The following RABEP2 variants were observed in gnomAD, a reference collection of about 807,000 sequenced individuals.
The protein encoded by RABEP2 is rab GTPase-binding effector protein 2.
RABEP2 carries 57 observed loss-of-function variants against 74.1 expected under a neutral mutation model. That is an observed-to-expected ratio of 0.77 (90% CI 0.62 to 0.96). The LOEUF is 0.96. RABEP2 is among the 40% of genes least tolerant of loss of function. The pLI, the probability that RABEP2 is intolerant of heterozygous loss-of-function variation, is 0.00. For missense variants in RABEP2, 692 were observed against 756.3 expected (o/e 0.91, Z 1.00); for synonymous variants, 351 against 344.0 (o/e 1.02, Z -0.23).
chr16:28,924,943 GC>G (rs1964514601), intron 1 of RABEP2, 159 bp downstream of exon 1: 1 of 930,588 alleles, frequency 1.1e-6, no homozygotes, highest in Non-Finnish European at 1.7e-6. Context: ...GCCGGGCCAC[GC>G]CCCCTTTTGC....
chr16:28,920,095 C>T (rs1804128365), intron 2 of RABEP2, 152 bp from the exon 3 acceptor site: 1 of 916,080 alleles, frequency 1.1e-6, no homozygotes, highest in Non-Finnish European at 1.6e-6. Context: ...TTGACCTGGG[C>T]AATCACTCAG....
intron 2 of RABEP2, among the ~76,000 whole-genome samples, chr16:28,923,373 C>T (rs920087238): frequency 5.3e-5 from 8 of 151,390 alleles, no homozygotes; most frequent in African/African-American, 1.7e-4. Flanking sequence ...ATCACACCAG[C>T]GTGCTGTGAC....
At position 28,911,634 on chromosome 16, in the gene RABEP2, T is replaced by A. The variant is rs116307409; in HGVS notation, c.895-455A>T. On this transcript the variant is annotated intron_variant, in intron 5 of 12. Coordinates refer to ENST00000358201, the MANE Select transcript of RABEP2 (RefSeq NM_024816.3). ...AGCAGTGAGCAGAGGTTGCCGTGAGTGAGATTCCGTCTCAAAAAAGAGAAA... is the reference window on the plus strand; with the variant it reads ...AGCAGTGAGCAGAGGTTGCCGTGAGAGAGATTCCGTCTCAAAAAAGAGAAA... 5.2e-3 allele frequency among the ~76,000 whole-genome samples: 666 copies of A among 128,084 alleles called. 6 individuals are homozygous for A. Among genetic ancestry groups the A allele is most frequent in the African/African-American group, 0.018 (574 of 32,514 alleles). 84.0% of individuals were successfully genotyped at this position (128,084 alleles called of 152,430 possible). A position where few individuals can be genotyped will look rare whatever the true frequency, so the allele number is the denominator to read the frequency against.
intron 5 of RABEP2, among the ~76,000 whole-genome samples, chr16:28,911,546 C>T (rs1429871128): frequency 6.6e-6 from 1 of 151,702 alleles, no homozygotes; most frequent in African/African-American, 2.4e-5. Context: ...CACCTGTAAT[C>T]TCAGCTACTC....
chr16:28,923,481 T>C (rs186363741), intron 2 of RABEP2, among the ~76,000 whole-genome samples: 6 of 152,328 alleles, frequency 3.9e-5, no homozygotes, highest in African/African-American at 1.4e-4. Context: ...TGGCTTTTCT[T>C]ATATAGTAGA....
chr16:28,905,728 C>T lies in RABEP2; in HGVS notation c.1467G>A (p.Glu489=). ...ASLCSLRTEM[E]RVQQEQSKAQ... ...CCTTGCTCTGTTCCTGCTGCACCCGCTCCATCTCTGTCCTCAGGCTGCACA... is the reference window on the plus strand; with the variant it reads ...CCTTGCTCTGTTCCTGCTGCACCCGTTCCATCTCTGTCCTCAGGCTGCACA... The change falls in exon 11 of 13, where the codon GAG becomes GAA. Residue 489 remains glutamate, a synonymous_variant. Coordinates refer to ENST00000358201, the MANE Select transcript of RABEP2 (RefSeq NM_024816.3). 1 of 1,614,056 alleles carries T rather than the reference C, an allele frequency of 6.2e-7. No homozygotes were observed. The highest frequency in any genetic ancestry group is 8.5e-7 in the Non-Finnish European group (1 of 1,179,950).
chr16:28,916,966 G>A (rs1226102876), intron 3 of RABEP2, among the ~76,000 whole-genome samples: 1 of 150,278 alleles, frequency 6.7e-6, no homozygotes, highest in Non-Finnish European at 1.5e-5. Context: ...TCCAGCCTGG[G>A]GACGGAGCAA....
chr16:28,916,716 T>C (rs1408735690), intron 3 of RABEP2, among the ~76,000 whole-genome samples: 1 of 148,222 alleles, frequency 6.7e-6, no homozygotes, highest in Non-Finnish European at 1.5e-5. Context: ...CCAAGTGCAG[T>C]GGCTCACGCC....
chr16:28,922,309 G>A (rs1199066374), intron 2 of RABEP2, among the ~76,000 whole-genome samples: 3 of 152,214 alleles, frequency 2.0e-5, no homozygotes, highest in African/African-American at 4.8e-5. Context: ...CAGCTGGGCC[G>A]GGCGTGCTGG....
chr16:28,914,803 CAGCAAT>C (rs1567497960), intron 3 of RABEP2, 21 bp from the exon 4 acceptor site: 1 of 1,607,124 alleles, frequency 6.2e-7, no homozygotes, highest in African/African-American at 1.3e-5. Flanking sequence ...CGGGGTGTGG[CAGCAAT>C]AGTTCCCCCT....
At chr16:28,914,836 C>G in intron 3 of RABEP2, 54 bp from the exon 4 acceptor site, 1 of 1,523,406 alleles carries the variant, frequency 6.6e-7, no homozygotes, top group Non-Finnish European at 9.1e-7. Context: ...TGCTGAAGCC[C>G]CGGGTCTGTT....
At position 28,919,774 on chromosome 16, in the gene RABEP2, C is replaced by T. The variant is rs1421598671; in HGVS notation, c.432+12G>A. The T allele has an allele frequency of 1.9e-6, 3 of 1,596,560 alleles. No homozygotes were observed. In the South Asian group the frequency reaches 3.3e-5, roughly 18 times the overall value. ...AATCCCAGGGCAGCAGGGAAGCCAT[C>T]CCAATCCCAACCTTTTCCATCTGCT... is the stretch of plus-strand genomic sequence containing the variant. On this transcript the variant is annotated intron_variant, in intron 3 of 12. Transcript: ENST00000358201.
In RABEP2 at chr16:28,905,407, T is replaced by C; in HGVS notation, c.1598A>G (p.Gln533Arg). ...QVQRDFVRLSQALQVRLERIR... is the reference protein window; with the variant it reads ...QVQRDFVRLSRALQVRLERIR... The stretch of plus-strand genomic sequence containing the variant: ...TGGGACAGGCCATACCTGCAGGGCC[T>C]GGGACAGTCGCACGAAATCCCTCTG... Residue 533 changes from glutamine (Q) to arginine (R), a missense_variant, in exon 12 of 13, where the codon CAG (glutamine) becomes CGG (arginine). Gln to Arg is a conservative substitution (Grantham distance 43, BLOSUM62 1). Transcript: ENST00000358201. The C allele has an allele frequency of 6.2e-7, 1 of 1,605,858 alleles. No individual in the cohort carries two copies. Among genetic ancestry groups the C allele is most frequent in the East Asian group, 2.2e-5 (1 of 44,628 alleles).
Position 28,914,466 on chromosome 16 carries a change from C to T in RABEP2, c.664G>A (p.Glu222Lys), listed in dbSNP as rs1279462285. Residue 222 changes from glutamate to lysine, a missense_variant, in exon 5 of 13, where the codon GAG (glutamate) becomes AAG (lysine). Coordinates refer to ENST00000358201, the MANE Select transcript of RABEP2 (RefSeq NM_024816.3). ...TCATCGCAGTTGTGAGCGAAGGCCT[C>T]AGCGGCTGGACCCCCATCTCCGCTC... is the stretch of plus-strand genomic sequence containing the variant. The part of the protein sequence containing the change: ...ELSGDGGPAA[E>K]AFAHNCDDSA... 1.4e-5 allele frequency: 22 copies of T among 1,613,264 alleles called. No individual in the cohort carries two copies. Among genetic ancestry groups the T allele is most frequent in the Non-Finnish European group, 1.8e-5 (21 of 1,179,886 alleles).
intron 2 of RABEP2, chr16:28,924,034 C>G (rs777200415): frequency 6.8e-6 from 2 of 295,744 alleles, no homozygotes; most frequent in Non-Finnish European, 1.3e-5. Context: ...CTCACAGAGA[C>G]TGGGCCAGGG....
At chr16:28,906,239 G>T in intron 8 of RABEP2, 43 bp from the exon 9 acceptor site, 1 of 1,506,792 alleles carries the variant, frequency 6.6e-7, no homozygotes. Flanking sequence ...GGGGCAGGAG[G>T]GCAGGAGGGC....
At chr16:28,924,926 T>C (rs1305524470) in intron 1 of RABEP2, 177 bp downstream of exon 1, 2 of 879,614 alleles carry the variant, frequency 2.3e-6, no homozygotes, top group South Asian at 2.8e-5. Flanking sequence ...GCCCTACCCC[T>C]TCAATGGCCG....
chr16:28,905,725 C>G lies in RABEP2; in HGVS notation c.1470G>C (p.Arg490=), dbSNP rs1038182996. The change falls in exon 11 of 13, where the codon CGG becomes CGC. Residue 490 remains arginine, a synonymous_variant. Coordinates refer to ENST00000358201, the MANE Select transcript of RABEP2 (RefSeq NM_024816.3). ...SLCSLRTEME[R]VQQEQSKAQL... is the part of the protein sequence containing the mutation. ...TCACCTTGCTCTGTTCCTGCTGCAC[C>G]CGCTCCATCTCTGTCCTCAGGCTGC... 1 of 1,614,032 alleles carries G rather than the reference C, an allele frequency of 6.2e-7. No homozygotes were observed. Among genetic ancestry groups the G allele is most frequent in the Non-Finnish European group, 8.5e-7 (1 of 1,179,946 alleles).
intron 3 of RABEP2, among the ~76,000 whole-genome samples, chr16:28,916,458 G>A (rs1158790531): frequency 6.6e-6 from 1 of 150,398 alleles, no homozygotes; most frequent in Non-Finnish European, 1.5e-5. Flanking sequence ...GATCACCTGA[G>A]GGCAGGAGTT....
Sources: gnomAD v4.1 joint callset for allele counts (sites outside exome capture counted in the v4.1 genomes callset) on GRCh38, gnomAD v4.1.1 for gene constraint, MANE v1.5 for transcripts, NCBI Gene and HGNC (gene_info 2026-07-23, HGNC 2026-07-21) for gene names.